The following NDST4 variants were observed in gnomAD, a reference collection of about 807,000 sequenced individuals.
NDST4 encodes N-heparan sulfate sulfotransferase 4.
A neutral mutation model predicts 100.8 loss-of-function variants in NDST4; 63 were observed. The observed-to-expected ratio is 0.62, with a 90% CI of 0.51 to 0.77. NDST4 has a LOEUF of 0.77. Ranked by LOEUF, NDST4 falls within the 30% of genes least tolerant of loss-of-function variation. The pLI, the probability that NDST4 is intolerant of heterozygous loss-of-function variation, is 0.00. For synonymous variants in NDST4, 377 were observed against 361.8 expected (o/e 1.04, Z -0.48); for missense variants, 943 against 1,018.4 (o/e 0.93, Z 1.01).
At chr4:115,083,057 T>C (rs535483916) in intron 1 of NDST4, among the ~76,000 whole-genome samples, 54 of 152,298 alleles carry the variant, frequency 3.5e-4, no homozygotes, top group Non-Finnish European at 1.9e-4. Flanking sequence ...TTTTATTATA[T>C]ACCTTGTTTT....
chr4:114,981,395 A>G (rs1243662000), intron 2 of NDST4, among the ~76,000 whole-genome samples: 1 of 152,064 alleles, frequency 6.6e-6, no homozygotes, highest in East Asian at 1.9e-4. Flanking sequence ...TAAAATTGTC[A>G]ATTCTGGGGC....
At chr4:114,904,571 G>C (rs955038516) in intron 6 of NDST4, among the ~76,000 whole-genome samples, 2 of 151,774 alleles carry the variant, frequency 1.3e-5, no homozygotes, top group East Asian at 1.9e-4. Context: ...ACTTATTTTT[G>C]ACAATGTTTA....
chr4:115,061,157 G>T (rs1578491188), intron 2 of NDST4, among the ~76,000 whole-genome samples: 1 of 152,076 alleles, frequency 6.6e-6, no homozygotes, highest in Middle Eastern at 3.4e-3. Context: ...AAATAGGAAT[G>T]CTTTTACACT....
intron 2 of NDST4, among the ~76,000 whole-genome samples, chr4:115,011,400 C>T (rs1307289362): frequency 1.3e-5 from 2 of 151,902 alleles, no homozygotes; most frequent in African/African-American, 2.4e-5. Flanking sequence ...TTTCTTTATA[C>T]TTCATGCACC....
rs992588897 is a variant in NDST4, at chr4:115,113,009, C to G, written c.-247+435G>C. Among the ~76,000 whole-genome samples, 3 of 151,996 alleles carry G rather than the reference C, an allele frequency of 2.0e-5. No individual in the cohort carries two copies. The Middle Eastern group carries it at 0.01, about 517-fold the overall frequency. On this transcript the variant is annotated intron_variant, in intron 1 of 13. Coordinates refer to ENST00000264363, the MANE Select transcript of NDST4 (RefSeq NM_022569.3). ...CTCAGGTCCAAAAAACAGGAGTTCC[C>G]ATCTTCGGTAATTTGAATGCCATGT...
chr4:115,073,011 A>C (rs1020030392), intron 2 of NDST4, among the ~76,000 whole-genome samples: 4 of 152,006 alleles, frequency 2.6e-5, no homozygotes, highest in African/African-American at 9.7e-5. Flanking sequence ...AAAATGAGCA[A>C]AAGGCCTGAA....
chr4:114,940,292 A>C (rs1017838389), intron 4 of NDST4, among the ~76,000 whole-genome samples: 1 of 152,224 alleles, frequency 6.6e-6, no homozygotes, highest in Non-Finnish European at 1.5e-5. Context: ...GTTGCGAAAT[A>C]AGATATTGCA....
intron 6 of NDST4, among the ~76,000 whole-genome samples, chr4:114,872,637 T>C (rs1724172968): frequency 6.6e-6 from 1 of 152,034 alleles, no homozygotes; most frequent in Admixed American, 6.6e-5. Flanking sequence ...ATTCATATAG[T>C]GTTTGCTTAC....
intron 10 of NDST4, among the ~76,000 whole-genome samples, chr4:114,843,451 T>C (rs889476143): frequency 2.6e-5 from 4 of 152,254 alleles, no homozygotes. Flanking sequence ...GTTCTACTTC[T>C]ACTTCTATGT....
rs545527113 is a variant in NDST4 at position 115,052,336 on chromosome 4, A to G, written c.978+23723T>C. 2.6e-5 allele frequency among the ~76,000 whole-genome samples: 4 copies of G among 152,302 alleles called. No individual in the cohort carries two copies. The South Asian group carries it at 8.3e-4, about 32-fold the overall frequency. ...AAACTTTTTTACTTTCAGAAGATAC[A>G]TAATGAAAAGAGGTAGATACAAATT... is the stretch of plus-strand genomic sequence containing the variant. On this transcript the variant is annotated intron_variant, in intron 2 of 13. Coordinates refer to ENST00000264363, the MANE Select transcript of NDST4 (RefSeq NM_022569.3).
chr4:114,852,973 T>C (rs906924458), intron 7 of NDST4, 152 bp from the exon 8 acceptor site: 4 of 548,492 alleles, frequency 7.3e-6, no homozygotes, highest in African/African-American at 2.0e-5. Flanking sequence ...CAAATCTTTT[T>C]TAAATAAAGT....
intron 1 of NDST4, among the ~76,000 whole-genome samples, chr4:115,104,867 C>T (rs927541299): frequency 1.3e-5 from 2 of 152,118 alleles, no homozygotes; most frequent in Admixed American, 6.6e-5. Flanking sequence ...TGTGGCATTG[C>T]AGGCCAAAGT....
chr4:114,915,309 C>G lies in NDST4; in HGVS notation c.1536+19897G>C, dbSNP rs138638170. The stretch of plus-strand genomic sequence containing the variant: ...TCCAATGCCGTAAGGGGTCAATGAA[C>G]CAGCTGTACTTGACTTTGATTTTAT... On this transcript the variant is annotated intron_variant, in intron 6 of 13. Coordinates refer to ENST00000264363, the MANE Select transcript of NDST4 (RefSeq NM_022569.3). 4.3e-4 allele frequency among the ~76,000 whole-genome samples: 66 copies of G among 152,222 alleles called. 1 individual carries two copies. Among genetic ancestry groups the G allele is most frequent in the African/African-American group, 1.5e-3 (61 of 41,534 alleles).
At position 115,076,968 on chromosome 4, in the gene NDST4, C is replaced by A; in HGVS notation, c.69G>T (p.Leu23Phe). 6.2e-7 allele frequency: 1 copy of A among 1,613,292 alleles called. No individual in the cohort carries two copies. Among genetic ancestry groups the A allele is most frequent in the Non-Finnish European group, 8.5e-7 (1 of 1,179,608 alleles). The change falls in exon 2 of 14, where the codon TTG becomes TTT. Residue 23 changes from leucine to phenylalanine, a missense_variant. Around this residue, in one of 2 missense-constraint regions of NDST4, gnomAD observed 417 missense variants for 384.2 expected, o/e 1.09. Transcript: ENST00000264363. ...AATAGGCAGAAATGACAATGCTCAC[C>A]AAGCAAAAGGTAGCTAAGAGAACAA... is the stretch of plus-strand genomic sequence containing the variant. ...TLIVLLATFCLVSIVISAYFL... is the reference protein window; with the variant it reads ...TLIVLLATFCFVSIVISAYFL...
intron 2 of NDST4, among the ~76,000 whole-genome samples, chr4:115,068,911 C>A (rs114916118): frequency 0.011 from 1,677 of 151,462 alleles, 15 homozygotes; most frequent in African/African-American, 0.02. Context: ...TAATAATTGT[C>A]AATTAAATAT....
At chr4:114,969,586 G>C (rs1311328361) in intron 4 of NDST4, among the ~76,000 whole-genome samples, 3 of 152,258 alleles carry the variant, frequency 2.0e-5, no homozygotes, top group African/African-American at 7.2e-5. Flanking sequence ...CTGTTCCTGT[G>C]TCAGTTTGCT....
intron 2 of NDST4, among the ~76,000 whole-genome samples, chr4:115,044,837 A>G (rs933607607): frequency 6.6e-6 from 1 of 151,754 alleles, no homozygotes; most frequent in African/African-American, 2.4e-5. Flanking sequence ...TGACTGATAA[A>G]GACATGAAAA....
chr4:115,108,269 GT>G (rs1729872723), intron 1 of NDST4, among the ~76,000 whole-genome samples: 1 of 151,992 alleles, frequency 6.6e-6, no homozygotes, highest in East Asian at 1.9e-4. Context: ...TTAAATGATT[GT>G]TATGTAGGCA....
At position 114,852,835 on chromosome 4, in the gene NDST4, G is replaced by A; in HGVS notation, c.1720-14C>T. ...ATCACATGGATTCTGCAAGAAGGAA[G>A]AATAAGTAACCTCACAGTGTAATGA... On this transcript the variant is annotated splice_polypyrimidine_tract_variant and intron_variant, in intron 7 of 13. Coordinates refer to ENST00000264363, the MANE Select transcript of NDST4 (RefSeq NM_022569.3). The A allele has an allele frequency of 6.4e-7, 1 of 1,565,170 alleles. No individual in the cohort carries two copies. The highest frequency in any genetic ancestry group is 8.8e-7 in the Non-Finnish European group (1 of 1,139,074).
Sources: gnomAD v4.1 joint callset for allele counts (sites outside exome capture counted in the v4.1 genomes callset) on GRCh38, gnomAD v4.1.1 for gene constraint, gnomAD v4.1.1 regional missense constraint, MANE v1.5 for transcripts, NCBI Gene and HGNC (gene_info 2026-07-23, HGNC 2026-07-21) for gene names.